GABRB1: variants seen among roughly 807,000 people sequenced by gnomAD.
GABRB1 encodes gamma-aminobutyric acid type A receptor subunit beta1, also known as gamma-aminobutyric acid receptor subunit beta-1.
GABRB1 carries 17 observed loss-of-function variants against 51.6 expected under a neutral mutation model. That is an observed-to-expected ratio of 0.33 (90% CI 0.23 to 0.49). The LOEUF (loss-of-function observed/expected upper bound fraction) is 0.49. Among genes scored for constraint, GABRB1 ranks in the 20% least tolerant of loss-of-function variants. The probability of loss-of-function intolerance (pLI) is 0.99; values close to 1 mark genes in which losing one functional copy is unlikely to be tolerated. For synonymous variants in GABRB1, 247 were observed against 218.9 expected, an observed-to-expected ratio of 1.13 and a Z score of -1.14; for missense variants, 410 against 600.6, an observed-to-expected ratio of 0.68 and a Z score of 3.32.
intron 4 of GABRB1, among the ~76,000 whole-genome samples, chr4:47,265,355 T>C (rs772413466): frequency 5.3e-5 from 8 of 152,290 alleles, no homozygotes; most frequent in Admixed American, 1.3e-4. Context: ...CAGTCATTCA[T>C]TGATGTACAC....
chr4:47,375,860 C>T (rs113723751), intron 5 of GABRB1, among the ~76,000 whole-genome samples: 21 of 152,108 alleles, frequency 1.4e-4, no homozygotes, highest in African/African-American at 5.1e-4. Context: ...AAGGATAACT[C>T]CCAAAGGTGA....
intron 4 of GABRB1, among the ~76,000 whole-genome samples, chr4:47,232,561 G>T (rs17600169): frequency 0.2 from 30,943 of 151,974 alleles, 3,284 homozygotes; most frequent in East Asian, 0.25. Flanking sequence ...TCTCAAACTT[G>T]ATTACAGTAT....
chr4:47,050,330 C>T (rs186204638), intron 3 of GABRB1, among the ~76,000 whole-genome samples: 18 of 152,070 alleles, frequency 1.2e-4, no homozygotes, highest in African/African-American at 4.3e-4. Context: ...ATCATCAGAC[C>T]AGTACATCAT....
intron 5 of GABRB1, among the ~76,000 whole-genome samples, chr4:47,398,523 C>G (rs1377342927): frequency 6.6e-6 from 1 of 152,128 alleles, no homozygotes; most frequent in Non-Finnish European, 1.5e-5. Context: ...AAAGATATAT[C>G]TTCCCATGTT....
chr4:47,248,371 A>T (rs111731475), intron 4 of GABRB1, among the ~76,000 whole-genome samples: 9 of 152,222 alleles, frequency 5.9e-5, no homozygotes, highest in Non-Finnish European at 1.2e-4. Flanking sequence ...TATGAAACTC[A>T]CTTGATCATG....
chr4:47,049,434 A>G (rs1189570538), intron 3 of GABRB1, among the ~76,000 whole-genome samples: 2 of 152,128 alleles, frequency 1.3e-5, no homozygotes, highest in East Asian at 3.9e-4. Context: ...GAAAGACAGA[A>G]AGACCCAGGT....
intron 4 of GABRB1, among the ~76,000 whole-genome samples, chr4:47,253,361 C>A (rs1457419329): frequency 6.6e-6 from 1 of 152,186 alleles, no homozygotes; most frequent in African/African-American, 2.4e-5. Flanking sequence ...GTAAGGAAGA[C>A]TTTGTCAGTT....
chr4:47,026,740 T>C (rs1725108483), upstream of GABRB1, among the ~76,000 whole-genome samples: 1 of 152,102 alleles, frequency 6.6e-6, no homozygotes, highest in Admixed American at 6.6e-5. Flanking sequence ...TTCTAAAATA[T>C]AAATCACTAA....
chr4:47,032,629 C>T (rs1242582067), intron 3 of GABRB1, 145 bp downstream of exon 3: 1 of 772,458 alleles, frequency 1.3e-6, no homozygotes. Flanking sequence ...CTCCGGCACA[C>T]ACACCCGGTC....
intron 5 of GABRB1, among the ~76,000 whole-genome samples, chr4:47,365,059 CAA>C (rs1385718598): frequency 1.3e-5 from 2 of 152,152 alleles, no homozygotes; most frequent in Non-Finnish European, 2.9e-5. Flanking sequence ...AGGAATAGGA[CAA>C]AGAGAGGAAA....
intron 8 of GABRB1, among the ~76,000 whole-genome samples, 158 bp from the exon 9 acceptor site, chr4:47,425,516 A>C (rs79824064): frequency 0.029 from 4,372 of 149,522 alleles, 79 homozygotes; most frequent in Middle Eastern, 0.048. Context: ...ATAGATAGAT[A>C]GATCGATCGA....
At chr4:47,107,282 TA>T (rs1715008587) in intron 3 of GABRB1, among the ~76,000 whole-genome samples, 1 of 152,118 alleles carries the variant, frequency 6.6e-6, no homozygotes, top group South Asian at 2.1e-4. Flanking sequence ...TTCTAGATTC[TA>T]AAAAAAGGGA....
At chr4:47,058,792 G>A (rs1179988349) in intron 3 of GABRB1, among the ~76,000 whole-genome samples, 3 of 152,108 alleles carry the variant, frequency 2.0e-5, no homozygotes, top group Admixed American at 6.6e-5. Flanking sequence ...TTTATGAAGA[G>A]TCTGTCATTG....
intron 3 of GABRB1, among the ~76,000 whole-genome samples, chr4:47,134,449 A>C (rs1322931882): frequency 1.3e-5 from 2 of 152,234 alleles, no homozygotes; most frequent in African/African-American, 2.4e-5. Context: ...TTAGAAAATC[A>C]ATAACAATTA....
chr4:47,074,401 T>C (rs1445281582), intron 3 of GABRB1, among the ~76,000 whole-genome samples: 1 of 152,182 alleles, frequency 6.6e-6, no homozygotes, highest in African/African-American at 2.4e-5. Context: ...TGCATTAAAC[T>C]TTACAAAATA....
intron 5 of GABRB1, among the ~76,000 whole-genome samples, chr4:47,394,303 T>A (rs1728106970): frequency 6.6e-6 from 1 of 152,264 alleles, no homozygotes. Context: ...AGGTTCCTAT[T>A]CAGGCTTTGA....
At chr4:47,212,667 A>G (rs1720408708) in intron 4 of GABRB1, among the ~76,000 whole-genome samples, 1 of 152,154 alleles carries the variant, frequency 6.6e-6, no homozygotes, top group Non-Finnish European at 1.5e-5. Context: ...TGACAGAGTG[A>G]GACACTGTCT....
At chr4:47,252,038 T>C (rs1722009500) in intron 4 of GABRB1, among the ~76,000 whole-genome samples, 1 of 152,048 alleles carries the variant, frequency 6.6e-6, no homozygotes, top group Admixed American at 6.6e-5. Flanking sequence ...TGTTACAAAG[T>C]TCAGCTGGAG....
At chr4:47,001,923 T>C (rs1031349988) in intron 1 of GABRB1, among the ~76,000 whole-genome samples, 7 of 152,248 alleles carry the variant, frequency 4.6e-5, no homozygotes, top group Non-Finnish European at 1.0e-4. Flanking sequence ...CAAAAAGTGA[T>C]ATGAAATTGT....
Sources: gnomAD v4.1 joint callset for allele counts (sites outside exome capture counted in the v4.1 genomes callset) on GRCh38, gnomAD v4.1.1 for gene constraint, MANE v1.5 for transcripts, NCBI Gene and HGNC (gene_info 2026-07-23, HGNC 2026-07-21) for gene names.